Variants in UROC1 observed in about 807,000 individuals in gnomAD.
The protein encoded by UROC1 is urocanate hydratase.
A neutral mutation model predicts 89.5 loss-of-function variants in UROC1; 79 were observed. The ratio of observed to expected loss-of-function variants is 0.88; its 90% confidence interval spans 0.74 to 1.06. The LOEUF (loss-of-function observed/expected upper bound fraction) is 1.06, where lower values mean the gene tolerates loss of function less well. Ranked by LOEUF, UROC1 falls within the 50% of genes least tolerant of loss-of-function variation. The pLI is 0.00. For synonymous variants in UROC1, 361 were observed against 354.8 expected (o/e 1.02, Z -0.20); for missense variants, 885 against 907.8 (o/e 0.97, Z 0.32).
At chr3:126,499,823 G>A (rs1012243695) in intron 12 of UROC1, among the ~76,000 whole-genome samples, 2 of 152,210 alleles carry the variant, frequency 1.3e-5, no homozygotes, top group South Asian at 2.1e-4. Context: ...CCTGCTCTCC[G>A]TATGGGACTT....
intron 14 of UROC1, among the ~76,000 whole-genome samples, chr3:126,496,730 A>G (rs1206012028): frequency 2.0e-5 from 3 of 152,254 alleles, no homozygotes; most frequent in African/African-American, 7.2e-5. Flanking sequence ...GCCAGTGGTT[A>G]ACATAAATAT....
chr3:126,506,598 T>C (rs1205026275), intron 6 of UROC1, among the ~76,000 whole-genome samples: 1 of 152,186 alleles, frequency 6.6e-6, no homozygotes, highest in Non-Finnish European at 1.5e-5. Context: ...AGCAATCTCC[T>C]AGCTCTCTTG....
At chr3:126,501,502 C>T (rs987106275) in intron 9 of UROC1, among the ~76,000 whole-genome samples, 2 of 152,188 alleles carry the variant, frequency 1.3e-5, no homozygotes, top group African/African-American at 2.4e-5. Flanking sequence ...CCCAAATTCC[C>T]CAGACCAGAA....
intron 17 of UROC1, among the ~76,000 whole-genome samples, chr3:126,488,580 T>C (rs1935569744): frequency 6.6e-6 from 1 of 152,216 alleles, no homozygotes; most frequent in African/African-American, 2.4e-5. Flanking sequence ...GGAAACAGTG[T>C]TAGTTCAGAG....
intron 18 of UROC1, among the ~76,000 whole-genome samples, chr3:126,486,542 A>G (rs1023026376): frequency 6.6e-6 from 1 of 152,234 alleles, no homozygotes; most frequent in Admixed American, 6.5e-5. Context: ...CAAATGGGCA[A>G]TCAGGAAGAG....
At chr3:126,509,261 A>G (rs929936824) in intron 3 of UROC1, among the ~76,000 whole-genome samples, 1 of 151,950 alleles carries the variant, frequency 6.6e-6, no homozygotes, top group African/African-American at 2.4e-5. Flanking sequence ...AAAAGTAAAA[A>G]AATAATATTT....
chr3:126,501,922 G>A (rs1935932529), intron 9 of UROC1: 5 of 1,597,830 alleles, frequency 3.1e-6, no homozygotes, highest in Non-Finnish European at 4.2e-6. Flanking sequence ...CCAGCCCAGG[G>A]CTTGTTGCAA....
intron 9 of UROC1, 121 bp downstream of exon 9, chr3:126,503,874 A>T: frequency 1.9e-6 from 2 of 1,041,182 alleles, no homozygotes; most frequent in Non-Finnish European, 3.0e-6. Flanking sequence ...TGGTGCCCAC[A>T]TGTAGCCAGC....
Position 126,500,753 on chromosome 3 carries a change from C to A in UROC1, c.1087G>T (p.Glu363Ter), listed in dbSNP as rs766747342. Residue 363 changes from glutamate to a stop codon, truncating the protein, a stop_gained, in exon 11 of 20, where the codon GAG becomes TAG. Coordinates refer to ENST00000290868, the MANE Select transcript of UROC1 (RefSeq NM_144639.3). LOFTEE classifies it high-confidence loss of function. Reference protein sequence around the residue: ...GYYPVQLSFTEAQSLMASNPA... With the variant: ...GYYPVQLSFT ...TTGGAGGCCATGAGGCTCTGGGCCT[C>A]CGTGAAGCTGAGCTGCACAGGGTAG... 6.2e-7 allele frequency: 1 copy of A among 1,614,130 alleles called. No homozygotes were observed. Among genetic ancestry groups the A allele is most frequent in the Non-Finnish European group, 8.5e-7 (1 of 1,180,036 alleles).
Position 126,508,474 on chromosome 3 carries a change from A to C in UROC1, c.353T>G (p.Phe118Cys). Residue 118 changes from phenylalanine (F) to cysteine (C), a missense_variant and splice_region_variant, in exon 4 of 20, where the codon TTT becomes TGT. By Grantham distance (205) the Phe-to-Cys change is radical. Transcript: ENST00000290868. ...TCCATAGGTCACCAGCTCCTGGGGA[A>C]ACTGAGGAAGACACGGGGTCATCTG... ...MNNLDPAVAQ[F>C]PQELVTYGGN... The C allele has an allele frequency of 6.2e-7, 1 of 1,613,524 alleles. No homozygotes were observed. Among genetic ancestry groups the C allele is most frequent in the Admixed American group, 1.7e-5 (1 of 59,992 alleles).
Position 126,498,175 on chromosome 3 carries a change from G to A in UROC1, c.1317-3C>T. On this transcript the variant is annotated splice_region_variant and splice_polypyrimidine_tract_variant and intron_variant, in intron 13 of 19. Coordinates refer to ENST00000290868, the MANE Select transcript of UROC1 (RefSeq NM_144639.3). ...CAAATCCCTGGGAGAATATGTCCCT[G>A]CAAGCACAGATGCCTCCTCACCCTG... The A allele has an allele frequency of 1.2e-6, 2 of 1,614,166 alleles. No individual in the cohort carries two copies. The highest frequency in any genetic ancestry group is 1.7e-6 in the Non-Finnish European group (2 of 1,180,028).
rs112904313 is a variant in UROC1 at position 126,513,963 on chromosome 3, C to T, written c.127-3169G>A. ...CCCTGCCTGCACAGAGCCTCCTTCACCCTGACACACCTCAGACAGCTCCGT... is the reference window on the plus strand; with the variant it reads ...CCCTGCCTGCACAGAGCCTCCTTCATCCTGACACACCTCAGACAGCTCCGT... On this transcript the variant is annotated intron_variant, in intron 1 of 19. Coordinates refer to ENST00000290868, the MANE Select transcript of UROC1 (RefSeq NM_144639.3). Among the ~76,000 whole-genome samples the T allele has an allele frequency of 3.7e-3, 570 of 152,152 alleles. 2 individuals carry two copies. Among genetic ancestry groups the T allele is most frequent in the African/African-American group, 0.013 (537 of 41,516 alleles).
intron 15 of UROC1, among the ~76,000 whole-genome samples, chr3:126,495,043 G>A (rs1444035980): frequency 6.6e-6 from 1 of 152,186 alleles, no homozygotes; most frequent in African/African-American, 2.4e-5. Context: ...GGATACGGGA[G>A]GCTTCTCAGG....
At chr3:126,507,276 A>G (rs144386753) in intron 6 of UROC1, among the ~76,000 whole-genome samples, 198 of 152,136 alleles carry the variant, frequency 1.3e-3, no homozygotes, top group African/African-American at 4.7e-3. Flanking sequence ...ATTACATGCA[A>G]GTTTCACCTC....
At chr3:126,498,008 G>A (rs772795497) in intron 14 of UROC1, 43 bp downstream of exon 14, 2 of 1,612,198 alleles carry the variant, frequency 1.2e-6, no homozygotes, top group Admixed American at 1.7e-5. Context: ...CAGAAGCTTT[G>A]GGGGGGCCAC....
chr3:126,501,195 A>G (rs1472626978), intron 10 of UROC1, 23 bp downstream of exon 10: 1 of 1,613,522 alleles, frequency 6.2e-7, no homozygotes, highest in Admixed American at 1.7e-5. Flanking sequence ...CAAGCTGGCC[A>G]TCAACTCCCA....
intron 8 of UROC1, 40 bp downstream of exon 8, chr3:126,505,661 G>GAGGC (rs552205633): frequency 0.017 from 25,149 of 1,491,464 alleles, 299 homozygotes; most frequent in South Asian, 0.039. Context: ...GGGAGGGAGG[G>GAGGC]AGGCAGGCAG....
intron 16 of UROC1, among the ~76,000 whole-genome samples, 192 bp downstream of exon 16, chr3:126,492,226 C>T (rs1935671288): frequency 6.6e-6 from 1 of 152,206 alleles, no homozygotes. Flanking sequence ...GGGCCTCAGC[C>T]ATGGAAGAGC....
intron 8 of UROC1, among the ~76,000 whole-genome samples, chr3:126,504,752 T>G (rs941714287): frequency 2.0e-5 from 3 of 152,248 alleles, no homozygotes; most frequent in African/African-American, 7.2e-5. Context: ...CACTGGCACA[T>G]ATCGCCAAGC....
Sources: gnomAD v4.1 joint callset for allele counts (sites outside exome capture counted in the v4.1 genomes callset) on GRCh38, gnomAD v4.1.1 for gene constraint, MANE v1.5 for transcripts, NCBI Gene and HGNC (gene_info 2026-07-23, HGNC 2026-07-21) for gene names.